TBX15: variants seen among roughly 807,000 people sequenced by gnomAD.
TBX15 encodes the protein T-box transcription factor TBX15.
A neutral mutation model predicts 53.9 loss-of-function variants in TBX15; 18 were observed. The ratio of observed to expected loss-of-function variants is 0.33; its 90% CI spans 0.23 to 0.49. TBX15 has a LOEUF of 0.49. Among genes scored for constraint, TBX15 ranks in the 20% least tolerant of loss-of-function variants. The pLI, the probability that TBX15 is intolerant of heterozygous loss-of-function variation, is 0.98. For synonymous variants in TBX15, 295 were observed against 278.0 expected (o/e 1.06, Z -0.61); for missense variants, 692 against 749.5 (o/e 0.92, Z 0.90).
intron 5 of TBX15, among the ~76,000 whole-genome samples, chr1:118,922,180 A>T (rs1319370803): frequency 3.3e-5 from 5 of 152,218 alleles, no homozygotes; most frequent in Admixed American, 3.3e-4. Flanking sequence ...CTTGATCCCA[A>T]AATGGGCAGA....
chr1:118,983,413 C>G (rs1407751174), intron 1 of TBX15, among the ~76,000 whole-genome samples: 2 of 152,168 alleles, frequency 1.3e-5, no homozygotes, highest in Non-Finnish European at 2.9e-5. Flanking sequence ...ATAACCATCC[C>G]CGCTGCCCGG....
Position 118,906,682 on chromosome 1 carries a change from A to T in TBX15, c.926+7433T>A, listed in dbSNP as rs149724103. Reference sequence around the variant, plus strand: ...TTCTCTCAGGTTAAGTATCAACCTCATTAAACATTCTCTTTCAGTGAGCAA... The same window carrying T: ...TTCTCTCAGGTTAAGTATCAACCTCTTTAAACATTCTCTTTCAGTGAGCAA... On this transcript the variant is annotated intron_variant, in intron 6 of 7. Coordinates refer to ENST00000369429, the MANE Select transcript of TBX15 (RefSeq NM_001330677.2). 1.9e-3 allele frequency among the ~76,000 whole-genome samples: 290 copies of T among 152,344 alleles called. 1 individual carries two copies. The highest frequency in any genetic ancestry group is 6.4e-3 in the African/African-American group (267 of 41,578).
chr1:118,898,708 A>T (rs184475022), intron 7 of TBX15, among the ~76,000 whole-genome samples: 11 of 152,272 alleles, frequency 7.2e-5, no homozygotes, highest in African/African-American at 2.4e-4. Flanking sequence ...TGAAGTTATT[A>T]AAAAAATCTC....
intron 1 of TBX15, among the ~76,000 whole-genome samples, chr1:118,983,232 A>G (rs909489915): frequency 2.0e-5 from 3 of 152,156 alleles, no homozygotes; most frequent in South Asian, 4.1e-4. Flanking sequence ...CCTCCCTATC[A>G]CAGTCCAAAC....
chr1:118,980,875 C>G (rs568111418), intron 1 of TBX15, among the ~76,000 whole-genome samples: 1 of 152,080 alleles, frequency 6.6e-6, no homozygotes, highest in South Asian at 2.1e-4. Flanking sequence ...CTCTGTCACC[C>G]AGGTTGGAGT....
intron 1 of TBX15, among the ~76,000 whole-genome samples, chr1:118,955,826 T>C (rs1046035532): frequency 1.1e-4 from 16 of 152,212 alleles, no homozygotes; most frequent in Non-Finnish European, 8.8e-5. Context: ...GTGTGCCTCA[T>C]GGAGATTTAT....
intron 7 of TBX15, among the ~76,000 whole-genome samples, chr1:118,892,273 A>T (rs1766783): frequency 6.6e-6 from 1 of 152,144 alleles, no homozygotes; most frequent in African/African-American, 2.4e-5. Flanking sequence ...AAAATGCTGG[A>T]AACTTTTCAA....
intron 7 of TBX15, among the ~76,000 whole-genome samples, chr1:118,888,649 G>T (rs1654029833): frequency 6.6e-6 from 1 of 152,172 alleles, no homozygotes; most frequent in Non-Finnish European, 1.5e-5. Context: ...TTGTTTTATG[G>T]GATAGTTATC....
At chr1:118,888,305 T>C (rs539933202) in intron 7 of TBX15, among the ~76,000 whole-genome samples, 1 of 152,306 alleles carries the variant, frequency 6.6e-6, no homozygotes, top group East Asian at 1.9e-4. Flanking sequence ...TCTGTCCTTC[T>C]CAGCATATCT....
chr1:118,980,330 T>C (rs1250662328), intron 1 of TBX15, among the ~76,000 whole-genome samples: 3 of 152,092 alleles, frequency 2.0e-5, no homozygotes, highest in East Asian at 3.9e-4. Flanking sequence ...AACTAAAAGC[T>C]AAAAAAACTC....
rs966569815 is a variant in TBX15, at chr1:118,970,067, C to T, written c.205+17524G>A. 7.2e-5 allele frequency among the ~76,000 whole-genome samples: 11 copies of T among 152,346 alleles called. 1 individual carries two copies. The South Asian group carries it at 2.3e-3, about 32-fold the overall frequency. ...CCTGCGTGTTCTCTGTCTCCTGCTG[C>T]CATGTGAAGACATGCTGGCTTCCCC... On this transcript the variant is annotated intron_variant, in intron 1 of 7. Transcript: ENST00000369429.
chr1:118,966,379 T>A (rs915703481), intron 1 of TBX15, among the ~76,000 whole-genome samples: 5 of 152,204 alleles, frequency 3.3e-5, no homozygotes, highest in Admixed American at 2.0e-4. Flanking sequence ...GTAGACATTC[T>A]GGGCTTAGAA....
intron 1 of TBX15, among the ~76,000 whole-genome samples, chr1:118,947,194 C>T (rs1236368160): frequency 6.6e-6 from 1 of 152,248 alleles, no homozygotes. Flanking sequence ...CCTGCCAAGG[C>T]TTTCCTAAAG....
chr1:118,975,461 T>C (rs763150301), intron 1 of TBX15, among the ~76,000 whole-genome samples: 28 of 152,184 alleles, frequency 1.8e-4, no homozygotes, highest in Non-Finnish European at 3.7e-4. Context: ...CCTACAAAGG[T>C]TCAACATTCT....
intron 1 of TBX15, among the ~76,000 whole-genome samples, chr1:118,977,205 A>G (rs909266428): frequency 6.6e-6 from 1 of 152,186 alleles, no homozygotes; most frequent in Non-Finnish European, 1.5e-5. Flanking sequence ...TGTATAATTC[A>G]TTCATTCATT....
chr1:118,921,454 A>G (rs1655421924), intron 5 of TBX15, among the ~76,000 whole-genome samples: 1 of 152,212 alleles, frequency 6.6e-6, no homozygotes, highest in African/African-American at 2.4e-5. Flanking sequence ...AGAAAAAAAG[A>G]AGGATAAATT....
upstream of TBX15, chr1:118,989,481 C>G (rs986312714): frequency 6.6e-6 from 1 of 152,202 alleles, no homozygotes; most frequent in Non-Finnish European, 1.5e-5. Context: ...GGACAGCGGC[C>G]TAGACACAGC....
At chr1:118,886,305 G>T (rs1653942830) in intron 7 of TBX15, among the ~76,000 whole-genome samples, 1 of 152,130 alleles carries the variant, frequency 6.6e-6, no homozygotes, top group Non-Finnish European at 1.5e-5. Flanking sequence ...ATATTTATCA[G>T]AACAAGAAGC....
chr1:118,913,310 A>T (rs1236937500), intron 6 of TBX15, among the ~76,000 whole-genome samples: 1 of 152,128 alleles, frequency 6.6e-6, no homozygotes, highest in Non-Finnish European at 1.5e-5. Context: ...ACATTTGTGG[A>T]TTCAATACTG....
Sources: allele counts gnomAD v4.1 joint callset (sites outside exome capture counted in the v4.1 genomes callset), GRCh38; gene constraint gnomAD v4.1.1; transcripts MANE v1.5; gene names NCBI Gene and HGNC (gene_info 2026-07-23, HGNC 2026-07-21).